The following TMEM232 variants were observed in gnomAD, a reference collection of about 807,000 sequenced individuals.
TMEM232 encodes transmembrane protein 232.
A neutral mutation model predicts 78.8 loss-of-function variants in TMEM232; 80 were observed. The observed-to-expected ratio is 1.01, with a 90% CI of 0.85 to 1.22. TMEM232 has a LOEUF of 1.22. Among genes scored for constraint, TMEM232 ranks in the 50% most tolerant of loss-of-function variants. The pLI is 0.00. For missense variants in TMEM232, 881 were observed against 742.2 expected (o/e 1.19, Z -2.17); for synonymous variants, 297 against 254.3 (o/e 1.17, Z -1.60).
chr5:110,601,876 C>T (rs1057282788), intron 10 of TMEM232, among the ~76,000 whole-genome samples: 9 of 152,220 alleles, frequency 5.9e-5, no homozygotes, highest in South Asian at 2.1e-4. Flanking sequence ...GGAGGCATCA[C>T]GCTACCTGAC....
intron 12 of TMEM232, among the ~76,000 whole-genome samples, chr5:110,477,747 A>AAC (rs1440029968): frequency 2.0e-5 from 3 of 151,866 alleles, no homozygotes; most frequent in African/African-American, 7.2e-5. Flanking sequence ...TTACTACATC[A>AAC]ACATCCATCA....
chr5:110,497,753 A>G (rs553644156), intron 12 of TMEM232, among the ~76,000 whole-genome samples: 9 of 152,080 alleles, frequency 5.9e-5, no homozygotes, highest in Non-Finnish European at 1.3e-4. Context: ...GTATTTTTCT[A>G]TGCCTCCAGG....
chr5:110,455,847 C>G (rs552112220), intron 12 of TMEM232, among the ~76,000 whole-genome samples: 1 of 152,006 alleles, frequency 6.6e-6, no homozygotes, highest in Non-Finnish European at 1.5e-5. Flanking sequence ...AAAGAAAAAC[C>G]GTTATAGGTC....
At chr5:110,610,485 G>C (rs1299047105) in intron 8 of TMEM232, 1 of 448,570 alleles carries the variant, frequency 2.2e-6, no homozygotes, top group African/African-American at 2.0e-5. Context: ...TATGAACTAT[G>C]AGTAGTCAAT....
chr5:110,447,481 C>A (rs1315739589), intron 12 of TMEM232, among the ~76,000 whole-genome samples: 1 of 151,994 alleles, frequency 6.6e-6, no homozygotes, highest in South Asian at 2.1e-4. Context: ...AATGCCAGTC[C>A]TATATAGAGA....
chr5:110,567,094 C>T (rs1409257668), intron 11 of TMEM232, among the ~76,000 whole-genome samples: 1 of 151,778 alleles, frequency 6.6e-6, no homozygotes, highest in Non-Finnish European at 1.5e-5. Flanking sequence ...AAAAAACCCA[C>T]TCCCATGATT....
At chr5:110,718,737 G>A (rs1797279840) in intron 1 of TMEM232, among the ~76,000 whole-genome samples, 1 of 151,786 alleles carries the variant, frequency 6.6e-6, no homozygotes, top group East Asian at 1.9e-4. Context: ...ATGAAAGTTG[G>A]TGTGCTTAAG....
At chr5:110,653,810 A>C (rs1034277841) in intron 2 of TMEM232, among the ~76,000 whole-genome samples, 2 of 152,306 alleles carry the variant, frequency 1.3e-5, no homozygotes, top group African/African-American at 4.8e-5. Flanking sequence ...TTTACCTATG[A>C]GACATCCAAG....
chr5:110,451,890 A>G (rs1760333539), intron 12 of TMEM232, among the ~76,000 whole-genome samples: 1 of 152,104 alleles, frequency 6.6e-6, no homozygotes, highest in Non-Finnish European at 1.5e-5. Context: ...GAAGAAATAT[A>G]ACTATTTTCT....
intron 11 of TMEM232, among the ~76,000 whole-genome samples, chr5:110,530,291 A>G (rs1469255018): frequency 6.6e-6 from 1 of 152,244 alleles, no homozygotes; most frequent in Non-Finnish European, 1.5e-5. Context: ...AGAGGATGGG[A>G]AAGAATAACA....
intron 12 of TMEM232, among the ~76,000 whole-genome samples, chr5:110,449,685 A>C (rs919069469): frequency 6.6e-6 from 1 of 152,170 alleles, no homozygotes; most frequent in Non-Finnish European, 1.5e-5. Flanking sequence ...ATTTGGTTTC[A>C]TTAGTCATTA....
intron 1 of TMEM232, among the ~76,000 whole-genome samples, chr5:110,717,765 T>A (rs1301289238): frequency 6.6e-6 from 1 of 151,996 alleles, no homozygotes; most frequent in African/African-American, 2.4e-5. Context: ...TATAAGGGGC[T>A]CTCCCCCTTT....
intron 12 of TMEM232, chr5:110,429,992 T>A (rs1757648691): frequency 1.3e-5 from 2 of 151,754 alleles, no homozygotes; most frequent in Non-Finnish European, 2.9e-5. Flanking sequence ...AGGCAAGAAG[T>A]CCATGATATA....
At chr5:110,448,606 A>G (rs1759921244) in intron 12 of TMEM232, among the ~76,000 whole-genome samples, 2 of 152,016 alleles carry the variant, frequency 1.3e-5, no homozygotes, top group South Asian at 2.1e-4. Flanking sequence ...AATAATATTA[A>G]TATGGGTCTT....
At chr5:110,620,123 A>T (rs1271955892) in intron 7 of TMEM232, among the ~76,000 whole-genome samples, 1 of 152,194 alleles carries the variant, frequency 6.6e-6, no homozygotes, top group Non-Finnish European at 1.5e-5. Context: ...ATCAGGATTT[A>T]GACAACGAAC....
intron 13 of TMEM232, among the ~76,000 whole-genome samples, chr5:110,421,662 A>G (rs747062340): frequency 1.2e-4 from 19 of 152,166 alleles, no homozygotes; most frequent in Non-Finnish European, 2.5e-4. Context: ...TTTGTAGATT[A>G]CTATATATAC....
chr5:110,492,999 G>A (rs7702284), intron 12 of TMEM232, among the ~76,000 whole-genome samples: 151,893 of 151,900 alleles, frequency 1, 75,943 homozygotes, highest in Middle Eastern at 1. Flanking sequence ...TTAAAGCCAG[G>A]AGTCATAGAA....
In TMEM232 at chr5:110,724,790, T is replaced by A. The variant is rs1410837338; in HGVS notation, c.-13+1837A>T. ...TAAAAAAGAAATCAATTATCTTTTATTTATTCATTCACCAGATAGGTATAG... is the reference window on the plus strand; with the variant it reads ...TAAAAAAGAAATCAATTATCTTTTAATTATTCATTCACCAGATAGGTATAG... On this transcript the variant is annotated intron_variant, in intron 1 of 13. Transcript: ENST00000455884. Among the ~76,000 whole-genome samples, 3 of 152,248 alleles carry A rather than the reference T, an allele frequency of 2.0e-5. No individual in the cohort carries two copies. The East Asian group carries it at 5.8e-4, about 29-fold the overall frequency.
chr5:110,486,645 G>A (rs534427686), intron 12 of TMEM232, among the ~76,000 whole-genome samples: 4 of 152,134 alleles, frequency 2.6e-5, no homozygotes, highest in Admixed American at 2.6e-4. Flanking sequence ...GTTTATTTCT[G>A]CATTCTCTAT....
Sources: allele counts gnomAD v4.1 joint callset (sites outside exome capture counted in the v4.1 genomes callset), GRCh38; gene constraint gnomAD v4.1.1; transcripts MANE v1.5; gene names NCBI Gene and HGNC (gene_info 2026-07-23, HGNC 2026-07-21).